Variants in GNB1L observed in about 807,000 individuals in gnomAD.
GNB1L encodes G protein subunit beta 1 like, also known as guanine nucleotide-binding protein subunit beta-like protein 1.
In GNB1L, 20 loss-of-function variants were observed where a neutral mutation model predicts 29.1. The observed-to-expected ratio is 0.69, with a 90% confidence interval of 0.48 to 1.00. The LOEUF (loss-of-function observed/expected upper bound fraction) is 1.00. GNB1L is among the 50% of genes least tolerant of loss of function. The pLI, the probability that GNB1L is intolerant of heterozygous loss-of-function variation, is 0.00. For synonymous variants in GNB1L, 193 were observed against 206.5 expected (o/e 0.93, Z 0.56); for missense variants, 421 against 464.9 (o/e 0.91, Z 0.87).
intron 2 of GNB1L, among the ~76,000 whole-genome samples, chr22:19,837,201 C>T (rs1010311064): frequency 6.6e-6 from 1 of 151,676 alleles, no homozygotes; most frequent in Non-Finnish European, 1.5e-5. Flanking sequence ...CTCCTGACCT[C>T]GTGATCCACC....
chr22:19,850,928 G>A, intron 2 of GNB1L: 2 of 1,365,860 alleles, frequency 1.5e-6, no homozygotes, highest in Non-Finnish European at 1.9e-6. Context: ...CAGAAGACGG[G>A]CAGGGATGCA....
At chr22:19,853,747 G>A (rs997227400) in intron 2 of GNB1L, among the ~76,000 whole-genome samples, 90 of 151,996 alleles carry the variant, frequency 5.9e-4, no homozygotes, top group Admixed American at 5.4e-3. Context: ...TGAAAGCCCA[G>A]CCCATGACCC....
intron 4 of GNB1L, among the ~76,000 whole-genome samples, chr22:19,817,950 G>C (rs566287867): frequency 3.9e-5 from 6 of 152,362 alleles, no homozygotes; most frequent in African/African-American, 1.4e-4. Context: ...CTTGGCATGC[G>C]GGAGGCTGAG....
intron 2 of GNB1L, among the ~76,000 whole-genome samples, chr22:19,845,006 G>T (rs1233168852): frequency 6.6e-6 from 1 of 152,202 alleles, no homozygotes; most frequent in Non-Finnish European, 1.5e-5. Context: ...CGGGGATGGG[G>T]ATGTGCCCTG....
rs532979740 is a variant in GNB1L at position 19,806,828 on chromosome 22, T to C, written c.418-71A>G. 198 of 1,084,500 alleles carry C rather than the reference T, an allele frequency of 1.8e-4. 3 individuals are homozygous for C. In the South Asian group the frequency reaches 2.5e-3, roughly 14 times the overall value. The allele number at this position is 1,084,500 out of a possible 1,614,324, so 67.2% of individuals were successfully genotyped here. A position where few individuals can be genotyped will look rare whatever the true frequency, so the allele number is the denominator to read the frequency against. On this transcript the variant is annotated intron_variant, in intron 5 of 7. Transcript: ENST00000329517. ...TCTGCGCTATACAAACAAGAGACTC[T>C]TAAGGCGATTAGCCCGGGCTGCTGT...
intron 2 of GNB1L, among the ~76,000 whole-genome samples, chr22:19,838,757 C>G (rs1324387469): frequency 6.6e-6 from 1 of 152,206 alleles, no homozygotes; most frequent in Non-Finnish European, 1.5e-5. Context: ...CTGTGCCCAG[C>G]CCAGTTTCTT....
chr22:19,826,496 GTATA>G (rs2145886367), intron 2 of GNB1L, among the ~76,000 whole-genome samples: 2 of 152,324 alleles, frequency 1.3e-5, no homozygotes, highest in South Asian at 4.1e-4. Flanking sequence ...GAGCACTCGG[GTATA>G]TAAGGCAAGG....
In GNB1L at chr22:19,823,371, C is replaced by G. The variant is rs1601338122; in HGVS notation, c.-20-1996G>C. Reference sequence around the variant, plus strand: ...GCCTGTGATGGGGAAGACTCCAAGACTCCTGAAGACGCAGCCAGGCCGGGG... The same window carrying G: ...GCCTGTGATGGGGAAGACTCCAAGAGTCCTGAAGACGCAGCCAGGCCGGGG... On this transcript the variant is annotated intron_variant, in intron 2 of 7. Transcript: ENST00000329517. Among the ~76,000 whole-genome samples, 3 of 152,342 alleles carry G rather than the reference C, an allele frequency of 2.0e-5. No homozygotes were observed. The South Asian group carries it at 6.2e-4, about 32-fold the overall frequency.
intron 7 of GNB1L, chr22:19,793,059 G>T: frequency 6.3e-7 from 1 of 1,594,784 alleles, no homozygotes; most frequent in Non-Finnish European, 8.5e-7. Context: ...GCTCGAAAAG[G>T]CAAAGGCTAA....
At position 19,800,284 on chromosome 22, in the gene GNB1L, G is replaced by A. The variant is rs111759206; in HGVS notation, c.732+1717C>T. Among the ~76,000 whole-genome samples, 97 of 152,352 alleles carry A rather than the reference G, an allele frequency of 6.4e-4. 2 individuals are homozygous for A. Among genetic ancestry groups the A allele is most frequent in the African/African-American group, 2.3e-3 (94 of 41,584 alleles). ...AGATCTGGGCCAGGACGGCAGGAGG[G>A]CCCCTTCCTGGGGTCCTGGGCACAG... On this transcript the variant is annotated intron_variant, in intron 7 of 7. Transcript: ENST00000329517.
At chr22:19,809,274 A>G (rs1040040537) in intron 5 of GNB1L, among the ~76,000 whole-genome samples, 1 of 152,036 alleles carries the variant, frequency 6.6e-6, no homozygotes, top group African/African-American at 2.4e-5. Flanking sequence ...CAGGCCATCA[A>G]CCAGCGAGCG....
chr22:19,808,669 C>G (rs1056957968), intron 5 of GNB1L, among the ~76,000 whole-genome samples: 3 of 152,252 alleles, frequency 2.0e-5, no homozygotes, highest in African/African-American at 7.2e-5. Context: ...CCAGGAGAAG[C>G]TGGGGCGGGC....
intron 5 of GNB1L, 128 bp downstream of exon 5, chr22:19,812,157 G>T: frequency 1.0e-6 from 1 of 985,086 alleles, no homozygotes; most frequent in Non-Finnish European, 1.5e-6. Flanking sequence ...AGCCCCGGCT[G>T]CTGAAGCTGC....
chr22:19,839,857 G>T (rs1263339589), intron 2 of GNB1L, among the ~76,000 whole-genome samples: 1 of 151,666 alleles, frequency 6.6e-6, no homozygotes, highest in Non-Finnish European at 1.5e-5. Context: ...TCCAGCCTGG[G>T]CAACAGAGAC....
intron 2 of GNB1L, among the ~76,000 whole-genome samples, chr22:19,842,005 G>T (rs901549386): frequency 6.6e-6 from 1 of 152,216 alleles, no homozygotes; most frequent in African/African-American, 2.4e-5. Flanking sequence ...AGGCACACAG[G>T]TGGCTGGTGA....
chr22:19,837,273 A>T (rs1257790918), intron 2 of GNB1L, among the ~76,000 whole-genome samples: 1 of 152,204 alleles, frequency 6.6e-6, no homozygotes, highest in Non-Finnish European at 1.5e-5. Flanking sequence ...GCCTGAAAAG[A>T]GATTATTAAG....
At chr22:19,835,763 A>G (rs917325991) in intron 2 of GNB1L, among the ~76,000 whole-genome samples, 1 of 152,234 alleles carries the variant, frequency 6.6e-6, no homozygotes, top group African/African-American at 2.4e-5. Flanking sequence ...CAGCAAGATA[A>G]TGAAAATCTC....
rs976521503 is a variant in GNB1L, at chr22:19,787,799, T to C, written c.*910A>G. 1 of 152,572 alleles carries C rather than the reference T, an allele frequency of 6.6e-6. No homozygotes were observed. The highest frequency in any genetic ancestry group is 1.5e-5 in the Non-Finnish European group (1 of 68,308). 9.5% of individuals were successfully genotyped at this position (152,572 alleles called of 1,614,324 possible). ...TTCTTTCCCAATCAACACCCGCTTT[T>C]AGGAGGAGACGACCGGCCAGGCTGG... On this transcript the variant is annotated 3_prime_UTR_variant, in exon 8 of 8. Transcript: ENST00000329517.
chr22:19,851,199 G>C (rs754490031), intron 2 of GNB1L: 4 of 1,591,778 alleles, frequency 2.5e-6, no homozygotes, highest in Non-Finnish European at 3.4e-6. Context: ...GGCTCTCCTG[G>C]GGTCTCCGGG....
Sources: allele counts gnomAD v4.1 joint callset (sites outside exome capture counted in the v4.1 genomes callset), GRCh38; gene constraint gnomAD v4.1.1; transcripts MANE v1.5; gene names NCBI Gene and HGNC (gene_info 2026-07-23, HGNC 2026-07-21).